The following FAM13A variants were observed in gnomAD, a reference collection of about 807,000 sequenced individuals.
FAM13A encodes the protein protein FAM13A.
A neutral mutation model predicts 129.6 loss-of-function variants in FAM13A; 76 were observed. The observed-to-expected ratio is 0.59, with a 90% CI of 0.49 to 0.71. FAM13A has a LOEUF of 0.71. FAM13A is among the 30% of genes least tolerant of loss of function. The pLI is 0.00. For missense variants in FAM13A, 1,108 were observed against 1,249.3 expected (o/e 0.89, Z 1.70); for synonymous variants, 443 against 449.9 (o/e 0.98, Z 0.20).
At chr4:88,936,829 C>T (rs966665711) in intron 5 of FAM13A, 1 of 151,586 alleles carries the variant, frequency 6.6e-6, no homozygotes, top group African/African-American at 2.4e-5. Context: ...ATTATAGGTC[C>T]TTTAATAGTT....
At chr4:88,733,910 TAA>T (rs1344076609) in intron 21 of FAM13A, among the ~76,000 whole-genome samples, 2 of 152,240 alleles carry the variant, frequency 1.3e-5, no homozygotes, top group Admixed American at 1.3e-4. Flanking sequence ...TGAGAGAACT[TAA>T]AAGTGTGGAA....
intron 1 of FAM13A, among the ~76,000 whole-genome samples, chr4:89,032,377 G>A (rs545303464): frequency 6.6e-6 from 1 of 152,256 alleles, no homozygotes; most frequent in East Asian, 1.9e-4. Flanking sequence ...TCATGGGGGT[G>A]TGTGTGTGTT....
intron 4 of FAM13A, among the ~76,000 whole-genome samples, chr4:88,970,367 G>C (rs907124050): frequency 6.6e-6 from 1 of 151,850 alleles, no homozygotes; most frequent in Non-Finnish European, 1.5e-5. Context: ...ATCATTAAAG[G>C]CTTTGAATGC....
chr4:88,781,914 A>G (rs1356834223), intron 10 of FAM13A, among the ~76,000 whole-genome samples: 7 of 151,576 alleles, frequency 4.6e-5, no homozygotes, highest in East Asian at 1.9e-4. Context: ...TGGGTGCAGC[A>G]CACCAACATG....
chr4:89,029,327 C>T, intron 2 of FAM13A, 133 bp downstream of exon 2: 1 of 735,652 alleles, frequency 1.4e-6, no homozygotes, highest in Non-Finnish European at 2.3e-6. Flanking sequence ...AAGTATATTA[C>T]ACAATAACTT....
At chr4:88,909,754 G>A (rs1440872692) in intron 5 of FAM13A, among the ~76,000 whole-genome samples, 6 of 152,066 alleles carry the variant, frequency 3.9e-5, no homozygotes, top group Non-Finnish European at 5.9e-5. Context: ...CAAAGTGCTG[G>A]GATTACAGAA....
At chr4:88,740,811 G>A (rs2602115) in intron 19 of FAM13A, among the ~76,000 whole-genome samples, 148,058 of 152,372 alleles carry the variant, frequency 0.97, 71,960 homozygotes, top group East Asian at 1. Context: ...ACAGCCTTAT[G>A]TTACTTGCAC....
intron 5 of FAM13A, among the ~76,000 whole-genome samples, chr4:88,919,724 G>A (rs1429881345): frequency 5.9e-5 from 9 of 152,168 alleles, no homozygotes; most frequent in African/African-American, 1.7e-4. Flanking sequence ...CACACCATGC[G>A]CGAGCTGAAG....
intron 3 of FAM13A, among the ~76,000 whole-genome samples, chr4:89,009,775 C>G (rs1424167955): frequency 6.6e-6 from 1 of 152,084 alleles, no homozygotes; most frequent in Non-Finnish European, 1.5e-5. Context: ...GTTGACAAAC[C>G]AGTCCAGGGA....
intron 11 of FAM13A, among the ~76,000 whole-genome samples, chr4:88,772,019 G>C (rs1720771677): frequency 6.6e-6 from 1 of 152,064 alleles, no homozygotes; most frequent in African/African-American, 2.4e-5. Flanking sequence ...CTCAAAACCT[G>C]TTTGACCACT....
intron 4 of FAM13A, among the ~76,000 whole-genome samples, chr4:88,941,437 T>C (rs1374917363): frequency 6.6e-6 from 1 of 152,250 alleles, no homozygotes; most frequent in Non-Finnish European, 1.5e-5. Flanking sequence ...TAAGGCCTTT[T>C]TCTGTCTATA....
intron 1 of FAM13A, among the ~76,000 whole-genome samples, chr4:89,040,438 G>C (rs1168006796): frequency 6.6e-6 from 1 of 152,042 alleles, no homozygotes; most frequent in Non-Finnish European, 1.5e-5. Context: ...CCAATTTTTT[G>C]ACAGCATAAG....
chr4:89,013,997 C>G (rs538408988), intron 3 of FAM13A, among the ~76,000 whole-genome samples: 1 of 152,110 alleles, frequency 6.6e-6, no homozygotes, highest in African/African-American at 2.4e-5. Context: ...GGTAAGTACA[C>G]CCTGTGGTGC....
chr4:89,029,856 A>G (rs1768458205), intron 1 of FAM13A: 2 of 593,058 alleles, frequency 3.4e-6, no homozygotes, highest in East Asian at 6.3e-5. Flanking sequence ...TGAAAAACCT[A>G]AAGCCACAAA....
At chr4:89,054,096 CA>C (rs1771932136) in intron 1 of FAM13A, among the ~76,000 whole-genome samples, 1 of 152,090 alleles carries the variant, frequency 6.6e-6, no homozygotes, top group African/African-American at 2.4e-5. Flanking sequence ...ACATGATTGG[CA>C]ATACATTTTT....
intron 6 of FAM13A, among the ~76,000 whole-genome samples, chr4:88,880,435 A>C (rs1265693785): frequency 6.6e-6 from 1 of 151,824 alleles, no homozygotes; most frequent in Non-Finnish European, 1.5e-5. Flanking sequence ...CTCTGTGGGC[A>C]CTCTTGGTCC....
At chr4:88,945,990 G>GTGTGTGTGTGTGTGTGTATA in intron 4 of FAM13A, among the ~76,000 whole-genome samples, 1 of 61,966 alleles carries the variant, frequency 1.6e-5, no homozygotes, top group Non-Finnish European at 2.9e-5. Flanking sequence ...GTGTGTGTGT[G>GTGTGTGTGTGTGTGTGTATA]TATATATATA....
intron 13 of FAM13A, among the ~76,000 whole-genome samples, chr4:88,767,297 A>G (rs922304436): frequency 2.6e-5 from 4 of 152,236 alleles, no homozygotes; most frequent in African/African-American, 9.6e-5. Context: ...GTTTTACTTT[A>G]TAGAAAATCT....
intron 4 of FAM13A, among the ~76,000 whole-genome samples, chr4:88,969,166 A>G (rs910266954): frequency 1.3e-5 from 2 of 152,198 alleles, no homozygotes; most frequent in Non-Finnish European, 2.9e-5. Context: ...TACTCATGTA[A>G]GCAAACACCA....
Sources: gnomAD v4.1 joint callset for allele counts (sites outside exome capture counted in the v4.1 genomes callset) on GRCh38, gnomAD v4.1.1 for gene constraint, MANE v1.5 for transcripts, NCBI Gene and HGNC (gene_info 2026-07-23, HGNC 2026-07-21) for gene names.